MREG: variants seen among roughly 807,000 people sequenced by gnomAD.
MREG encodes melanoregulin, also known as dilute suppressor protein homolog.
Under a neutral mutation model 28.5 loss-of-function variants are expected in MREG, and 31 were observed. That is an observed-to-expected ratio of 1.09 (90% CI 0.82 to 1.47). The LOEUF (loss-of-function observed/expected upper bound fraction) is 1.47. Ranked by LOEUF, MREG falls within the 40% of genes most tolerant of loss-of-function variation. MREG has a pLI of 0.00. For missense variants in MREG, 256 were observed against 257.4 expected, an observed-to-expected ratio of 0.99 and a Z score of 0.04; for synonymous variants, 106 against 95.2, an observed-to-expected ratio of 1.11 and a Z score of -0.66.
intron 2 of MREG, among the ~76,000 whole-genome samples, chr2:215,981,315 T>C (rs559126920): frequency 6.6e-6 from 1 of 152,182 alleles, no homozygotes; most frequent in Admixed American, 6.5e-5. Flanking sequence ...TATGGAATAT[T>C]ATTCCGCTTG....
chr2:216,012,437 G>T (rs931182021), intron 1 of MREG, among the ~76,000 whole-genome samples: 1 of 152,154 alleles, frequency 6.6e-6, no homozygotes, highest in African/African-American at 2.4e-5. Flanking sequence ...AGAAACCCTG[G>T]CTTTAGTATT....
chr2:215,993,792 G>A (rs982892357), intron 2 of MREG, among the ~76,000 whole-genome samples: 7 of 152,010 alleles, frequency 4.6e-5, no homozygotes, highest in African/African-American at 9.7e-5. Context: ...ACATTTGTGC[G>A]GCCAACAAAC....
rs565881943 is a variant in MREG, at chr2:216,025,398, T to C, written c.-68+7391A>G. The stretch of plus-strand genomic sequence containing the variant: ...TTCTAACTGGCAGAAAATCTGGTAC[T>C]GCCAATTAGCTTCCCAGGAAAGCTA... On this transcript the variant is annotated intron_variant, in intron 1 of 3. Coordinates refer to the MREG transcript ENST00000420348. Among the ~76,000 whole-genome samples the C allele has an allele frequency of 4.6e-5, 7 of 152,340 alleles. No individual in the cohort carries two copies. The South Asian group carries it at 1.4e-3, about 32-fold the overall frequency.
At chr2:215,961,282 G>A (rs970881284) in intron 2 of MREG, among the ~76,000 whole-genome samples, 3 of 152,192 alleles carry the variant, frequency 2.0e-5, no homozygotes, top group African/African-American at 7.2e-5. Context: ...TTGTCTGTTG[G>A]TAAACAGAGC....
chr2:216,015,993 C>A (rs1394868191), upstream of MREG, among the ~76,000 whole-genome samples: 1 of 152,160 alleles, frequency 6.6e-6, no homozygotes, highest in Non-Finnish European at 1.5e-5. Context: ...TAGGTTTGTC[C>A]TGTTCCAGCT....
intron 1 of MREG, among the ~76,000 whole-genome samples, chr2:216,022,822 T>C (rs756734391): frequency 2.0e-5 from 3 of 152,234 alleles, no homozygotes; most frequent in Non-Finnish European, 4.4e-5. Flanking sequence ...GCAGAGTTTC[T>C]AAGAAGCATT....
chr2:215,975,463 G>A (rs1043570765), intron 2 of MREG, among the ~76,000 whole-genome samples: 5 of 152,086 alleles, frequency 3.3e-5, no homozygotes, highest in African/African-American at 1.2e-4. Flanking sequence ...CAATATGTAG[G>A]CTATTCTACC....
At chr2:215,972,449 C>T (rs35266778) in intron 2 of MREG, among the ~76,000 whole-genome samples, 12,238 of 152,034 alleles carry the variant, frequency 0.08, 536 homozygotes, top group Non-Finnish European at 0.086. Context: ...TAGAGACCAG[C>T]CTAGCCAACA....
chr2:216,030,536 C>G (rs936668363), intron 1 of MREG, among the ~76,000 whole-genome samples: 1 of 151,432 alleles, frequency 6.6e-6, no homozygotes, highest in African/African-American at 2.4e-5. Flanking sequence ...TATTGTTACC[C>G]AAAATATTTT....
intron 2 of MREG, among the ~76,000 whole-genome samples, chr2:215,971,150 G>A (rs779663310): frequency 1.5e-4 from 23 of 152,120 alleles, no homozygotes; most frequent in South Asian, 2.1e-4. Flanking sequence ...GGGATGGGGC[G>A]CAAGGAGAGG....
intron 1 of MREG, among the ~76,000 whole-genome samples, chr2:216,029,237 T>C (rs1366592369): frequency 6.6e-6 from 1 of 151,976 alleles, no homozygotes; most frequent in African/African-American, 2.4e-5. Flanking sequence ...CCCAGCACTT[T>C]GGGAGGCTGA....
intron 2 of MREG, among the ~76,000 whole-genome samples, chr2:215,958,241 A>G (rs1315785144): frequency 6.6e-6 from 1 of 151,076 alleles, no homozygotes; most frequent in East Asian, 1.9e-4. Flanking sequence ...ATGTACCCTA[A>G]AACTTAAAGT....
intron 1 of MREG, among the ~76,000 whole-genome samples, chr2:216,012,740 T>C (rs1694345539): frequency 6.6e-6 from 1 of 152,192 alleles, no homozygotes; most frequent in Non-Finnish European, 1.5e-5. Flanking sequence ...TGATGAAACA[T>C]GCATTTTTTT....
chr2:215,975,139 C>T (rs1693220577), intron 2 of MREG, among the ~76,000 whole-genome samples: 1 of 151,630 alleles, frequency 6.6e-6, no homozygotes. Flanking sequence ...GTCCACAAAT[C>T]TTATCATTGT....
chr2:215,987,218 G>C (rs1052135005), intron 2 of MREG, among the ~76,000 whole-genome samples: 10 of 151,732 alleles, frequency 6.6e-5, no homozygotes, highest in African/African-American at 2.4e-4. Context: ...TAGGGAAAAT[G>C]AATTTCAACA....
intron 1 of MREG, among the ~76,000 whole-genome samples, chr2:216,020,099 T>C (rs938807195): frequency 1.3e-5 from 2 of 152,162 alleles, no homozygotes; most frequent in Non-Finnish European, 2.9e-5. Context: ...AAAGTTTGGC[T>C]CTTTCAGCCC....
intron 2 of MREG, among the ~76,000 whole-genome samples, chr2:215,974,216 T>G (rs1693180713): frequency 6.6e-6 from 1 of 152,030 alleles, no homozygotes; most frequent in African/African-American, 2.4e-5. Context: ...CATGACCATG[T>G]GTAAGGATTA....
In MREG at chr2:215,976,329, T is replaced by C. The variant is rs1029899981; in HGVS notation, c.255+19977A>G. On this transcript the variant is annotated intron_variant, in intron 2 of 4. Coordinates refer to ENST00000263268, the MANE Select transcript of MREG (RefSeq NM_018000.3). ...AACTAGAGCCTTTATTTGAAATACA[T>C]CCCTTGCTCTTAGCCCCATATTCAC... 2.6e-5 allele frequency among the ~76,000 whole-genome samples: 4 copies of C among 152,214 alleles called. No individual in the cohort carries two copies. The East Asian group carries it at 5.8e-4, about 22-fold the overall frequency.
intron 1 of MREG, among the ~76,000 whole-genome samples, chr2:216,006,925 G>A (rs1268327695): frequency 6.6e-6 from 1 of 152,134 alleles, no homozygotes. Context: ...TGGACCCTGG[G>A]CTATAACAAT....
Sources: allele counts gnomAD v4.1 joint callset (sites outside exome capture counted in the v4.1 genomes callset), GRCh38; gene constraint gnomAD v4.1.1; transcripts MANE v1.5; gene names NCBI Gene and HGNC (gene_info 2026-07-23, HGNC 2026-07-21).